Variants in CADM2 observed in about 807,000 individuals in gnomAD.
CADM2 encodes the protein immunoglobulin superfamily member 4D.
Under a neutral mutation model 49.8 loss-of-function variants are expected in CADM2, and 12 were observed. The ratio of observed to expected loss-of-function variants is 0.24; its 90% CI spans 0.15 to 0.39. The LOEUF is 0.39. Among genes scored for constraint, CADM2 ranks in the 10% least tolerant of loss-of-function variants. CADM2 has a pLI of 1.00. For missense variants in CADM2, 378 were observed against 492.3 expected (o/e 0.77, Z 2.20); for synonymous variants, 214 against 175.4 (o/e 1.22, Z -1.74).
chr3:85,042,444 G>T (rs963421288), intron 1 of CADM2, among the ~76,000 whole-genome samples: 2 of 152,012 alleles, frequency 1.3e-5, no homozygotes, highest in African/African-American at 4.8e-5. Context: ...GGAAGTTTGA[G>T]GGGTTTTTGA....
intron 1 of CADM2, among the ~76,000 whole-genome samples, chr3:85,604,068 T>C (rs192002619): frequency 6.6e-6 from 1 of 152,122 alleles, no homozygotes; most frequent in Admixed American, 6.6e-5. Flanking sequence ...CTTTTGTTTC[T>C]CTGGCTTCCC....
intron 1 of CADM2, among the ~76,000 whole-genome samples, chr3:85,117,970 C>T (rs1012660043): frequency 5.3e-5 from 8 of 152,102 alleles, no homozygotes; most frequent in Admixed American, 3.9e-4. Flanking sequence ...AACTTTGTTT[C>T]CCATGCGTCC....
intron 1 of CADM2, among the ~76,000 whole-genome samples, chr3:85,695,747 T>C (rs2066533034): frequency 6.6e-6 from 1 of 152,116 alleles, no homozygotes; most frequent in African/African-American, 2.4e-5. Flanking sequence ...TTTGATGTAA[T>C]GACTTTTTTC....
intron 1 of CADM2, among the ~76,000 whole-genome samples, chr3:85,207,885 T>C (rs1294039970): frequency 6.6e-6 from 1 of 152,174 alleles, no homozygotes; most frequent in Non-Finnish European, 1.5e-5. Context: ...AAGAAAGCCC[T>C]CCTGTTTCCT....
At chr3:85,750,003 T>G (rs1432116846) in intron 2 of CADM2, among the ~76,000 whole-genome samples, 1 of 152,026 alleles carries the variant, frequency 6.6e-6, no homozygotes, top group African/African-American at 2.4e-5. Flanking sequence ...GGTCAACTCT[T>G]CTCCTTTTAG....
Position 85,271,097 on chromosome 3 carries a change from G to A in CADM2, c.61+311429G>A, listed in dbSNP as rs187588778. ...GAAGTTTTAGAACCTAGCAGTGTCC[G>A]GATCAAAGTCAATGTCATCTAAAGA... On this transcript the variant is annotated intron_variant, in intron 1 of 9. Coordinates refer to ENST00000383699, the MANE Select transcript of CADM2 (RefSeq NM_001167675.2). 3.6e-4 allele frequency among the ~76,000 whole-genome samples: 55 copies of A among 151,322 alleles called. 1 individual carries two copies. The East Asian group carries it at 8.8e-3, about 24-fold the overall frequency.
Position 85,971,422 on chromosome 3 carries a change from A to G in CADM2, c.970+9775A>G, listed in dbSNP as rs373994591. On this transcript the variant is annotated intron_variant, in intron 8 of 9. Transcript: ENST00000383699. ...GATGCATAGAGGTTAAATTACATGC[A>G]AAATGGCTCTCAGCTACTTTATCAC... Among the ~76,000 whole-genome samples, 11 of 151,866 alleles carry G rather than the reference A, an allele frequency of 7.2e-5. 1 individual carries two copies. Among genetic ancestry groups the G allele is most frequent in the Admixed American group, 5.9e-4 (9 of 15,186 alleles).
chr3:85,326,049 G>A (rs546605017), intron 1 of CADM2, among the ~76,000 whole-genome samples: 2 of 152,240 alleles, frequency 1.3e-5, no homozygotes, highest in East Asian at 3.9e-4. Flanking sequence ...GTGTAAGTAG[G>A]AATGATACAC....
At chr3:85,495,929 G>A (rs1453862210) in intron 1 of CADM2, among the ~76,000 whole-genome samples, 1 of 152,074 alleles carries the variant, frequency 6.6e-6, no homozygotes, top group Non-Finnish European at 1.5e-5. Context: ...ACTGGAACAA[G>A]TATCCAAACC....
rs148416438 is a variant in CADM2, at chr3:85,031,663, C to T, written c.61+71995C>T. ...CCGAGTAGCTGGGACTACAGGCACA[C>T]GCCACCACGCCCGGCTAATTTTTTG... is the stretch of plus-strand genomic sequence containing the variant. On this transcript the variant is annotated intron_variant, in intron 1 of 9. Coordinates refer to ENST00000383699, the MANE Select transcript of CADM2 (RefSeq NM_001167675.2). Among the ~76,000 whole-genome samples, 461 of 151,988 alleles carry T rather than the reference C, an allele frequency of 3.0e-3. 4 individuals are homozygous for T. Among genetic ancestry groups the T allele is most frequent in the African/African-American group, 9.7e-3 (401 of 41,502 alleles).
chr3:85,923,537 C>CAAAAAAAAAAAAAAA (rs57230094), intron 6 of CADM2, among the ~76,000 whole-genome samples: 1 of 136,716 alleles, frequency 7.3e-6, no homozygotes, highest in Admixed American at 7.3e-5. Context: ...ATCATGAAAG[C>CAAAAAAAAAAAAAAA]AAAAAAAAAA....
chr3:85,308,504 A>G (rs2044269900), intron 1 of CADM2, among the ~76,000 whole-genome samples: 1 of 151,960 alleles, frequency 6.6e-6, no homozygotes, highest in Non-Finnish European at 1.5e-5. Flanking sequence ...TGGCCATTCA[A>G]TGTATTATCT....
intron 1 of CADM2, among the ~76,000 whole-genome samples, chr3:85,094,470 G>A (rs1372398015): frequency 2.6e-5 from 4 of 152,122 alleles, no homozygotes; most frequent in Admixed American, 2.0e-4. Flanking sequence ...TAAAGCAGAA[G>A]TAAGAGGTGG....
At chr3:85,160,249 C>G (rs1364280152) in intron 1 of CADM2, among the ~76,000 whole-genome samples, 3 of 152,020 alleles carry the variant, frequency 2.0e-5, no homozygotes, top group Admixed American at 6.6e-5. Context: ...AATTTCTTCC[C>G]AAACCCAAAA....
At chr3:85,294,738 T>C (rs1236485748) in intron 1 of CADM2, among the ~76,000 whole-genome samples, 2 of 151,912 alleles carry the variant, frequency 1.3e-5, no homozygotes, top group Non-Finnish European at 2.9e-5. Flanking sequence ...GCTAGCCATA[T>C]GTAGAAAGCT....
At chr3:85,776,620 T>C (rs1339082090) in intron 2 of CADM2, among the ~76,000 whole-genome samples, 6 of 152,116 alleles carry the variant, frequency 3.9e-5, no homozygotes, top group Non-Finnish European at 1.5e-5. Context: ...TTTATTTATG[T>C]TGTTGACAAT....
Position 85,723,926 on chromosome 3 carries a change from A to G in CADM2, c.62-2596A>G, listed in dbSNP as rs201072620. Among the ~76,000 whole-genome samples, 7 of 152,162 alleles carry G rather than the reference A, an allele frequency of 4.6e-5. No homozygotes were observed. The East Asian group carries it at 7.7e-4, about 17-fold the overall frequency. On this transcript the variant is annotated intron_variant, in intron 1 of 9. Coordinates refer to ENST00000383699, the MANE Select transcript of CADM2 (RefSeq NM_001167675.2). ...GAGTTTGAAGCAAATTTGTTCTTCA[A>G]ATGAACAAGTCAATTTATTGATGCA... is the stretch of plus-strand genomic sequence containing the variant.
At chr3:85,163,578 A>G (rs777773449) in intron 1 of CADM2, among the ~76,000 whole-genome samples, 2 of 152,092 alleles carry the variant, frequency 1.3e-5, no homozygotes, top group African/African-American at 2.4e-5. Context: ...ATCTGCATGT[A>G]TTTAAGATAC....
intron 1 of CADM2, among the ~76,000 whole-genome samples, chr3:85,240,952 A>G (rs1267232704): frequency 1.3e-5 from 2 of 151,562 alleles, no homozygotes; most frequent in East Asian, 3.8e-4. Flanking sequence ...TGGCAGATTC[A>G]TTACCTCAAG....
Sources: allele counts gnomAD v4.1 joint callset (sites outside exome capture counted in the v4.1 genomes callset), GRCh38; gene constraint gnomAD v4.1.1; transcripts MANE v1.5; gene names NCBI Gene and HGNC (gene_info 2026-07-23, HGNC 2026-07-21).